Variants in FHIT observed in about 807,000 individuals in gnomAD.
FHIT encodes the protein bis(5'-adenosyl)-triphosphatase.
FHIT carries 19 observed loss-of-function variants against 17.9 expected under a neutral mutation model. The ratio of observed to expected loss-of-function variants is 1.06; its 90% confidence interval spans 0.74 to 1.56. The LOEUF (loss-of-function observed/expected upper bound fraction) is 1.56, where lower values mean the gene tolerates loss of function less well. FHIT is among the 40% of genes most tolerant of loss of function. The pLI is 0.00. For missense variants in FHIT, 248 were observed against 189.2 expected, an observed-to-expected ratio of 1.31 and a Z score of -1.82; for synonymous variants, 81 against 69.7, an observed-to-expected ratio of 1.16 and a Z score of -0.81.
At chr3:61,039,645 T>C (rs2033412425) in intron 3 of FHIT, among the ~76,000 whole-genome samples, 1 of 151,340 alleles carries the variant, frequency 6.6e-6, no homozygotes, top group Admixed American at 6.6e-5. Flanking sequence ...TAAGTGGGAG[T>C]TGAACAATGA....
In FHIT at chr3:60,047,663, T is replaced by C. The variant is rs1392165608; in HGVS notation, c.104-33511A>G. ...GAATGCAACATCCAATTATAATGAT[T>C]AGAATAACAACAAACACTTAGGCAA... On this transcript the variant is annotated intron_variant, in intron 5 of 9. Transcript: ENST00000492590. 3.3e-5 allele frequency among the ~76,000 whole-genome samples: 5 copies of C among 152,322 alleles called. No individual in the cohort carries two copies. In the East Asian group the frequency reaches 9.6e-4, roughly 29 times the overall value.
chr3:60,470,080 C>CTCTCTCTCTCTCTCTCTCTCTCT (rs370993192), intron 5 of FHIT, among the ~76,000 whole-genome samples: 6 of 151,210 alleles, frequency 4.0e-5, no homozygotes, highest in African/African-American at 1.5e-4. Flanking sequence ...CTCTCTCTCT[C>CTCTCTCTCTCTCTCTCTCTCTCT]CAGAGCTGCC....
At chr3:59,814,862 A>G (rs182396830) in intron 8 of FHIT, among the ~76,000 whole-genome samples, 25 of 152,260 alleles carry the variant, frequency 1.6e-4, no homozygotes, top group Admixed American at 1.4e-3. Context: ...CACAAAGGCT[A>G]CCATGCAGTG....
chr3:60,632,371 G>T (rs112588785), intron 4 of FHIT, among the ~76,000 whole-genome samples: 12 of 152,216 alleles, frequency 7.9e-5, no homozygotes, highest in African/African-American at 2.9e-4. Context: ...CTTCTCTTCC[G>T]AACAACTATC....
At chr3:59,875,847 G>A (rs1027356095) in intron 8 of FHIT, among the ~76,000 whole-genome samples, 10 of 151,862 alleles carry the variant, frequency 6.6e-5, no homozygotes, top group East Asian at 1.9e-4. Context: ...TGCCAGCCAT[G>A]CGTCAGCCAT....
At chr3:60,902,003 T>C (rs1419101757) in intron 3 of FHIT, among the ~76,000 whole-genome samples, 1 of 152,216 alleles carries the variant, frequency 6.6e-6, no homozygotes, top group Non-Finnish European at 1.5e-5. Flanking sequence ...GTTTGCTTTT[T>C]AGCCAGGTTT....
At chr3:60,027,139 A>AAG (rs1700780850) in intron 5 of FHIT, among the ~76,000 whole-genome samples, 1 of 124,248 alleles carries the variant, frequency 8.0e-6, no homozygotes, top group African/African-American at 3.7e-5. Flanking sequence ...ACACACACAC[A>AAG]CACACACACA....
At chr3:61,142,609 G>T (rs2037118461) in intron 2 of FHIT, among the ~76,000 whole-genome samples, 1 of 152,088 alleles carries the variant, frequency 6.6e-6, no homozygotes, top group Non-Finnish European at 1.5e-5. Context: ...GGAAAACCAT[G>T]CAACCATTAA....
chr3:60,170,448 T>A (rs1471232535), intron 5 of FHIT, among the ~76,000 whole-genome samples: 1 of 152,182 alleles, frequency 6.6e-6, no homozygotes, highest in Admixed American at 6.5e-5. Context: ...TTGCAACTGA[T>A]AATCCATCCC....
At chr3:60,201,677 T>C (rs968555655) in intron 5 of FHIT, among the ~76,000 whole-genome samples, 2 of 152,192 alleles carry the variant, frequency 1.3e-5, no homozygotes, top group African/African-American at 4.8e-5. Flanking sequence ...GGATTTATTA[T>C]ACTGATTAGT....
chr3:60,027,148 C>CACAAAAAAAAAA (rs1553654525), intron 5 of FHIT, among the ~76,000 whole-genome samples: 1 of 125,748 alleles, frequency 8.0e-6, no homozygotes, highest in African/African-American at 2.7e-5. Context: ...CACACACACA[C>CACAAAAAAAAAA]AAAATTAGTA....
At chr3:60,209,714 G>T (rs1703362459) in intron 5 of FHIT, among the ~76,000 whole-genome samples, 1 of 152,126 alleles carries the variant, frequency 6.6e-6, no homozygotes, top group Admixed American at 6.5e-5. Flanking sequence ...ACTGGATCAA[G>T]AAAATGTGGT....
At position 60,141,539 on chromosome 3, in the gene FHIT, C is replaced by T. The variant is rs148506852; in HGVS notation, c.104-127387G>A. Among the ~76,000 whole-genome samples, 701 of 152,254 alleles carry T rather than the reference C, an allele frequency of 4.6e-3. 5 individuals are homozygous for T. The highest frequency in any genetic ancestry group is 8.2e-3 in the Admixed American group (126 of 15,288). On this transcript the variant is annotated intron_variant, in intron 5 of 9. Coordinates refer to ENST00000492590, the MANE Select transcript of FHIT (RefSeq NM_002012.4). ...TCACTCTCATCTAAAATGGCCTTTG[C>T]TTGTCATCAAACTCATATAGAATTC...
At chr3:60,456,130 C>T (rs1413845851) in intron 5 of FHIT, among the ~76,000 whole-genome samples, 2 of 152,122 alleles carry the variant, frequency 1.3e-5, no homozygotes, top group Non-Finnish European at 2.9e-5. Context: ...TGATCACATG[C>T]CCCTGAATAA....
chr3:59,946,082 T>C (rs1490513712), intron 7 of FHIT, among the ~76,000 whole-genome samples: 3 of 152,228 alleles, frequency 2.0e-5, no homozygotes, highest in Non-Finnish European at 2.9e-5. Flanking sequence ...GGTAGTTTGA[T>C]AGGAACAGGA....
Position 60,816,266 on chromosome 3 carries a change from C to T in FHIT, c.-18+5653G>A, listed in dbSNP as rs557470771. ...TGCCTGATTGCTGTGGCTAGCACTT[C>T]CAGTACTATGTTGAATAGGAGTAGT... On this transcript the variant is annotated intron_variant, in intron 4 of 9. Coordinates refer to ENST00000492590, the MANE Select transcript of FHIT (RefSeq NM_002012.4). Among the ~76,000 whole-genome samples, 4 of 152,140 alleles carry T rather than the reference C, an allele frequency of 2.6e-5. 1 individual carries two copies. The South Asian group carries it at 8.3e-4, about 32-fold the overall frequency.
At chr3:60,924,345 T>G (rs960315107) in intron 3 of FHIT, among the ~76,000 whole-genome samples, 6 of 152,278 alleles carry the variant, frequency 3.9e-5, no homozygotes, top group South Asian at 2.1e-4. Context: ...GGCCGGGTAC[T>G]CTTCTGAGAC....
chr3:60,450,198 G>GTACCCTTTAAGCAC (rs374168405), intron 5 of FHIT, among the ~76,000 whole-genome samples: 7,603 of 151,710 alleles, frequency 0.05, 641 homozygotes, highest in African/African-American at 0.17. Flanking sequence ...TACCCTTAAG[G>GTACCCTTTAAGCAC]TTACACTAAA....
intron 5 of FHIT, among the ~76,000 whole-genome samples, chr3:60,055,014 T>C (rs1417612018): frequency 1.3e-5 from 2 of 152,094 alleles, no homozygotes; most frequent in Non-Finnish European, 2.9e-5. Flanking sequence ...GAGAGGACAG[T>C]TGCCCAACAC....
Sources: gnomAD v4.1 joint callset for allele counts (sites outside exome capture counted in the v4.1 genomes callset) on GRCh38, gnomAD v4.1.1 for gene constraint, MANE v1.5 for transcripts, NCBI Gene and HGNC (gene_info 2026-07-23, HGNC 2026-07-21) for gene names.